Variants in SYT13 observed in about 807,000 individuals in gnomAD.
The protein encoded by SYT13 is synaptotagmin-13.
In SYT13, 21 loss-of-function variants were observed where a neutral mutation model predicts 38.6. The observed-to-expected ratio is 0.54, with a 90% CI of 0.39 to 0.78. The LOEUF is 0.78. SYT13 is among the 30% of genes least tolerant of loss of function. SYT13 has a pLI of 0.00. For missense variants in SYT13, 495 were observed against 548.7 expected, an observed-to-expected ratio of 0.90 and a Z score of 0.98; for synonymous variants, 241 against 237.6, an observed-to-expected ratio of 1.01 and a Z score of -0.13.
intron 4 of SYT13, 67 bp from the exon 5 acceptor site, chr11:45,246,579 T>C (rs750538052): frequency 6.4e-6 from 10 of 1,569,722 alleles, no homozygotes; most frequent in Non-Finnish European, 7.8e-6. Flanking sequence ...CATCAACAAA[T>C]GCTGAAGCTG....
At position 45,286,181 on chromosome 11, in the gene SYT13, C is replaced by A. The variant is rs369917641; in HGVS notation, c.27G>T (p.Ala9=). Residue 9 remains alanine, a synonymous_variant, in exon 1 of 6, where the codon GCG becomes GCT. Coordinates refer to ENST00000020926, the MANE Select transcript of SYT13 (RefSeq NM_020826.3). The part of the protein sequence containing the change: MVLSVPVI[A]LGATLGTATS... The stretch of plus-strand genomic sequence containing the variant: ...TGGCTGTGCCCAGCGTGGCGCCCAG[C>A]GCGATCACAGGCACCGACAGCACCA... 3.7e-5 allele frequency: 59 copies of A among 1,575,670 alleles called. No individual in the cohort carries two copies. Among genetic ancestry groups the A allele is most frequent in the African/African-American group, 2.9e-4 (22 of 74,656 alleles).
At chr11:45,268,737 A>G (rs1341817856) in intron 1 of SYT13, among the ~76,000 whole-genome samples, 2 of 152,248 alleles carry the variant, frequency 1.3e-5, no homozygotes, top group Non-Finnish European at 2.9e-5. Context: ...CTGGGAAGAC[A>G]CAATGGTCTG....
At chr11:45,265,242 G>A (rs1291147239) in intron 1 of SYT13, among the ~76,000 whole-genome samples, 5 of 152,256 alleles carry the variant, frequency 3.3e-5, no homozygotes, top group African/African-American at 9.6e-5. Flanking sequence ...AGCTGTCTAC[G>A]CATACATACT....
intron 1 of SYT13, among the ~76,000 whole-genome samples, chr11:45,283,220 C>G (rs543669542): frequency 6.6e-6 from 1 of 152,300 alleles, no homozygotes; most frequent in Non-Finnish European, 1.5e-5. Context: ...CTTCATCCAG[C>G]CATTCAGGGT....
chr11:45,255,825 C>G lies in SYT13; in HGVS notation c.250G>C (p.Gly84Arg). The stretch of plus-strand genomic sequence containing the variant: ...GGAGCCGTCACAGCTGGCCTGGGTC[C>G]ATAGATGTCTGGGAACTTGAGGAGG... ...RALLKFPDIY[G>R]PRPAVTAPEV... Residue 84 changes from glycine to arginine, a missense_variant, in exon 2 of 6, where the codon GGA becomes CGA. Gly to Arg is a moderately radical substitution (Grantham distance 125, BLOSUM62 -2). Transcript: ENST00000020926. 2 of 1,614,150 alleles carry G rather than the reference C, an allele frequency of 1.2e-6. No individual in the cohort carries two copies. Among genetic ancestry groups the G allele is most frequent in the Non-Finnish European group, 1.7e-6 (2 of 1,180,034 alleles).
intron 2 of SYT13, among the ~76,000 whole-genome samples, chr11:45,255,224 T>A (rs924546571): frequency 1.2e-4 from 18 of 152,178 alleles, no homozygotes; most frequent in Admixed American, 8.5e-4. Flanking sequence ...ATGTGTGTTA[T>A]TTTATCTACA....
chr11:45,245,897 G>A (rs1227036627), intron 5 of SYT13, among the ~76,000 whole-genome samples: 1 of 152,240 alleles, frequency 6.6e-6, no homozygotes, highest in Non-Finnish European at 1.5e-5. Flanking sequence ...AGAGACTGGG[G>A]TGGGTGGCAG....
intron 1 of SYT13, chr11:45,269,439 A>C: frequency 7.9e-7 from 1 of 1,263,268 alleles, no homozygotes; most frequent in South Asian, 1.3e-5. Context: ...TGGCCCCTGC[A>C]TTATTTCAGC....
Position 45,243,821 on chromosome 11 carries a change from C to G in SYT13, c.*231G>C. On this transcript the variant is annotated 3_prime_UTR_variant, in exon 6 of 6. Transcript: ENST00000020926. ...AGGAACTGTATTTAATAAGCACCTC[C>G]TTCAATAACACAGATGAGCAAAATG... 1 of 515,578 alleles carries G rather than the reference C, an allele frequency of 1.9e-6. No individual in the cohort carries two copies. The highest frequency in any genetic ancestry group is 3.1e-5 in the East Asian group (1 of 32,512). The allele number at this position is 515,578 out of a possible 1,614,324, so 31.9% of individuals were successfully genotyped here. A position where few individuals can be genotyped will look rare whatever the true frequency, so the allele number is the denominator to read the frequency against.
intron 1 of SYT13, among the ~76,000 whole-genome samples, chr11:45,268,037 G>T (rs912452034): frequency 6.6e-6 from 1 of 152,060 alleles, no homozygotes; most frequent in African/African-American, 2.4e-5. Context: ...GCCCATTTGT[G>T]GTTGGCCCAG....
chr11:45,269,717 C>A (rs903637785), intron 1 of SYT13, among the ~76,000 whole-genome samples: 7 of 152,296 alleles, frequency 4.6e-5, no homozygotes, highest in East Asian at 1.9e-4. Flanking sequence ...GGCTTTGAAC[C>A]TTTGTCCACC....
Position 45,243,483 on chromosome 11 carries a change from T to C in SYT13, c.*569A>G, listed in dbSNP as rs1248135433. The stretch of plus-strand genomic sequence containing the variant: ...ACATCAGCTTGTTAAAAAGGAAGGC[T>C]CCTGGGCTTCGACCAGGAATACCGA... On this transcript the variant is annotated 3_prime_UTR_variant, in exon 6 of 6. Transcript: ENST00000020926. 1.3e-5 allele frequency: 2 copies of C among 152,334 alleles called. No individual in the cohort carries two copies. Among genetic ancestry groups the C allele is most frequent in the African/African-American group, 4.8e-5 (2 of 41,384 alleles). The allele number at this position is 152,334 out of a possible 1,614,324, so 9.4% of individuals were successfully genotyped here.
intron 3 of SYT13, 27 bp downstream of exon 3, chr11:45,254,243 C>A (rs1284466857): frequency 1.3e-6 from 2 of 1,589,442 alleles, no homozygotes; most frequent in Middle Eastern, 1.7e-4. Flanking sequence ...CACACAGAAG[C>A]CCACGAGAGT....
intron 1 of SYT13, among the ~76,000 whole-genome samples, chr11:45,266,221 C>A (rs1248442644): frequency 2.0e-5 from 3 of 152,066 alleles, no homozygotes; most frequent in Non-Finnish European, 4.4e-5. Context: ...CATTTAGGAT[C>A]CACTGGTCTC....
intron 1 of SYT13, among the ~76,000 whole-genome samples, chr11:45,283,373 T>A (rs1419450207): frequency 2.0e-4 from 30 of 152,178 alleles, no homozygotes; most frequent in Non-Finnish European, 1.5e-5. Context: ...TTTTCCAGCC[T>A]CCATACCTTC....
At chr11:45,263,646 G>C (rs556004818) in intron 1 of SYT13, among the ~76,000 whole-genome samples, 1 of 152,338 alleles carries the variant, frequency 6.6e-6, no homozygotes, top group East Asian at 1.9e-4. Context: ...CGCCAAGGGG[G>C]TAGTGAGGCC....
intron 2 of SYT13, 69 bp downstream of exon 2, chr11:45,255,597 T>C: frequency 6.8e-7 from 1 of 1,473,052 alleles, no homozygotes; most frequent in Non-Finnish European, 9.3e-7. Context: ...ACACACAGCA[T>C]CTACAGAGAC....
intron 1 of SYT13, among the ~76,000 whole-genome samples, chr11:45,281,791 A>G (rs943265254): frequency 5.9e-5 from 9 of 152,206 alleles, no homozygotes; most frequent in Non-Finnish European, 7.3e-5. Flanking sequence ...CCTCTCTGGC[A>G]TTTGAAAAGA....
At chr11:45,270,422 G>A (rs374328770) in intron 1 of SYT13, among the ~76,000 whole-genome samples, 9 of 152,100 alleles carry the variant, frequency 5.9e-5, no homozygotes, top group Admixed American at 1.3e-4. Flanking sequence ...TGAAATTAGG[G>A]TGTTCTTTCA....
Sources: allele counts gnomAD v4.1 joint callset (sites outside exome capture counted in the v4.1 genomes callset), GRCh38; gene constraint gnomAD v4.1.1; transcripts MANE v1.5; gene names NCBI Gene and HGNC (gene_info 2026-07-23, HGNC 2026-07-21).